HSPD1: variants seen among roughly 807,000 people sequenced by gnomAD.
HSPD1 encodes the protein 60 kDa heat shock protein, mitochondrial.
In HSPD1, 3 loss-of-function variants were observed where a neutral mutation model predicts 53.0. The observed-to-expected ratio is 0.06, with a 90% CI of 0.03 to 0.15. The LOEUF is 0.15. Among genes scored for constraint, HSPD1 ranks in the 10% least tolerant of loss-of-function variants. HSPD1 has a pLI of 1.00. For missense variants in HSPD1, 431 were observed against 694.1 expected (o/e 0.62, Z 4.26); for synonymous variants, 200 against 228.0 (o/e 0.88, Z 1.10).
At position 197,494,534 on chromosome 2, in the gene HSPD1, A is replaced by T. The variant is rs2086133440; in HGVS notation, c.606+123T>A. 5 of 642,488 alleles carry T rather than the reference A, an allele frequency of 7.8e-6. No homozygotes were observed. The Admixed American group carries it at 1.1e-4, about 14-fold the overall frequency. The allele number at this position is 642,488 out of a possible 1,614,324, so 39.8% of individuals were successfully genotyped here. The stretch of plus-strand genomic sequence containing the variant: ...GTGCTGAGACTACATATGAAGGAAT[A>T]AAAAAAGCAGTTTTTAAAACAGAAT... On this transcript the variant is annotated intron_variant, in intron 5 of 11. Transcript: ENST00000388968.
chr2:197,494,612 CATAAG>C (rs375535348), intron 5 of HSPD1, 40 bp downstream of exon 5: 339 of 858,004 alleles, frequency 4.0e-4, no homozygotes, highest in African/African-American at 2.5e-3. Flanking sequence ...AACTTTTGAT[CATAAG>C]ATAACTCAAA....
intron 9 of HSPD1, among the ~76,000 whole-genome samples, 153 bp downstream of exon 9, chr2:197,488,849 C>T (rs767597634): frequency 6.6e-6 from 1 of 152,150 alleles, no homozygotes; most frequent in Non-Finnish European, 1.5e-5. Flanking sequence ...GCCTGGGTGA[C>T]GAAGAGCTCA....
At chr2:197,490,602 A>G in intron 7 of HSPD1, 1 of 348,694 alleles carries the variant, frequency 2.9e-6, no homozygotes. Flanking sequence ...AGGCCCAGGC[A>G]GGTGGATCAC....
At chr2:197,493,242 A>G (rs1225671461) in intron 7 of HSPD1, 82 bp downstream of exon 7, 13 of 1,169,732 alleles carry the variant, frequency 1.1e-5, no homozygotes, top group Non-Finnish European at 1.7e-5. Context: ...GGAGGTACAC[A>G]TGATGGAAAC....
chr2:197,491,670 A>G (rs552331628), intron 7 of HSPD1, among the ~76,000 whole-genome samples: 1 of 152,384 alleles, frequency 6.6e-6, no homozygotes, highest in South Asian at 2.1e-4. Context: ...CAAACATTTT[A>G]ATAATGCCCT....
chr2:197,491,764 TG>T (rs1398217307), intron 7 of HSPD1, among the ~76,000 whole-genome samples: 1 of 152,216 alleles, frequency 6.6e-6, no homozygotes, highest in African/African-American at 2.4e-5. Context: ...TTTAAATAAG[TG>T]ACTAGACCTC....
chr2:197,489,186 T>C lies in HSPD1; in HGVS notation c.1031A>G (p.Lys344Arg). The stretch of plus-strand genomic sequence containing the variant: ...TTTGGTCACAATGACCTCTCCAACT[T>C]TTCCTAAGTCATGAGGCTGAACGTC... ...LEDVQPHDLG[K>R]VGEVIVTKDD... Residue 344 changes from lysine (K) to arginine (R), a missense_variant, in exon 9 of 12, where the codon AAA (lysine) becomes AGA (arginine). Coordinates refer to ENST00000388968, the MANE Select transcript of HSPD1 (RefSeq NM_002156.5). 6.2e-7 allele frequency: 1 copy of C among 1,614,162 alleles called. No homozygotes were observed. Among genetic ancestry groups the C allele is most frequent in the Non-Finnish European group, 8.5e-7 (1 of 1,179,988 alleles).
At chr2:197,500,095 C>T (rs1240828318), upstream of HSPD1, 1 of 358,450 alleles carries the variant, frequency 2.8e-6, no homozygotes, top group East Asian at 5.2e-5. Context: ...AAATGCCGCG[C>T]TCCCTACGGC....
At chr2:197,494,585 G>C in intron 5 of HSPD1, 72 bp downstream of exon 5, 2 of 1,065,860 alleles carry the variant, frequency 1.9e-6, no homozygotes, top group South Asian at 1.3e-5. Flanking sequence ...ATTCAGTTTT[G>C]ATCATCAGAT....
chr2:197,487,278 TG>T, intron 11 of HSPD1, 80 bp from the exon 12 acceptor site: 1 of 1,286,544 alleles, frequency 7.8e-7, no homozygotes, highest in Non-Finnish European at 1.1e-6. Flanking sequence ...CTGGGCATGG[TG>T]GCTCACACCT....
intron 1 of HSPD1, chr2:197,499,515 C>G (rs989998633): frequency 6.5e-6 from 1 of 153,816 alleles, no homozygotes; most frequent in Non-Finnish European, 1.4e-5. Flanking sequence ...GCAGGTTGCA[C>G]CAGCGGGCCT....
intron 8 of HSPD1, 116 bp from the exon 9 acceptor site, chr2:197,489,363 A>C: frequency 9.3e-7 from 1 of 1,072,866 alleles, no homozygotes; most frequent in African/African-American, 1.6e-5. Flanking sequence ...TTGAAATGAG[A>C]GATTTTAAGA....
chr2:197,496,688 G>GCAAA (rs2086161930), intron 3 of HSPD1, among the ~76,000 whole-genome samples: 1 of 152,176 alleles, frequency 6.6e-6, no homozygotes, highest in Non-Finnish European at 1.5e-5. Context: ...CATGGTGTGT[G>GCAAA]CTATTAAGAA....
chr2:197,500,149 A>G (rs2086228993), upstream of HSPD1: 1 of 518,810 alleles, frequency 1.9e-6, no homozygotes, highest in African/African-American at 1.9e-5. Flanking sequence ...ACGAAGGGGT[A>G]GTTCTTTCAC....
In HSPD1 at chr2:197,487,996, C is replaced by T. The variant is rs2086047102; in HGVS notation, c.1431G>A (p.Met477Ile). The part of the protein sequence containing the change: ...IIKRTLKIPA[M>I]TIAKNAGVEG... ...CAACACCTGCATTCTTAGCAATGGT[C>T]ATTGCTGGAATTTTGAGTGTTCTTT... Residue 477 changes from methionine (M) to isoleucine (I), a missense_variant, in exon 11 of 12, where the codon ATG (methionine) becomes ATA (isoleucine). Met to Ile is a conservative substitution (Grantham distance 10, BLOSUM62 1). Around this residue, in one of 2 missense-constraint regions of HSPD1, gnomAD observed 386 missense variants for 657.6 expected, o/e 0.59. Coordinates refer to ENST00000388968, the MANE Select transcript of HSPD1 (RefSeq NM_002156.5). 3.7e-6 allele frequency: 6 copies of T among 1,612,384 alleles called. No homozygotes were observed. Among genetic ancestry groups the T allele is most frequent in the Non-Finnish European group, 5.1e-6 (6 of 1,178,786 alleles).
chr2:197,495,435 T>A, intron 3 of HSPD1, 59 bp from the exon 4 acceptor site: 5 of 1,161,396 alleles, frequency 4.3e-6, no homozygotes, highest in Non-Finnish European at 6.5e-6. Flanking sequence ...CTATGTCAAG[T>A]AGAAATCTTG....
intron 5 of HSPD1, 103 bp downstream of exon 5, chr2:197,494,552 AAC>A: frequency 1.2e-6 from 1 of 818,292 alleles, no homozygotes; most frequent in East Asian, 2.5e-5. Context: ...CAGTTTTTAA[AAC>A]AGAATTTTTC....
In HSPD1 at chr2:197,488,999, T is replaced by A. The variant is rs2086059570; in HGVS notation, c.1215+3A>T. 6.2e-7 allele frequency: 1 copy of A among 1,613,894 alleles called. No individual in the cohort carries two copies. Among genetic ancestry groups the A allele is most frequent in the Admixed American group, 1.7e-5 (1 of 60,000 alleles). Reference sequence around the variant, plus strand: ...GAAACTTATTCATAATAATGAATGTTACCTTCAGCACAGCCACTCCATCTG... The same window carrying A: ...GAAACTTATTCATAATAATGAATGTAACCTTCAGCACAGCCACTCCATCTG... On this transcript the variant is annotated splice_donor_region_variant and intron_variant, in intron 9 of 11. Transcript: ENST00000388968.
intron 7 of HSPD1, among the ~76,000 whole-genome samples, chr2:197,490,732 A>G (rs1021785937): frequency 1.3e-5 from 2 of 152,190 alleles, no homozygotes; most frequent in African/African-American, 2.4e-5. Flanking sequence ...CAGGAGGCCG[A>G]GCAGCAAAAA....
Sources: gnomAD v4.1 joint callset for allele counts (sites outside exome capture counted in the v4.1 genomes callset) on GRCh38, gnomAD v4.1.1 for gene constraint, gnomAD v4.1.1 regional missense constraint, MANE v1.5 for transcripts, NCBI Gene and HGNC (gene_info 2026-07-23, HGNC 2026-07-21) for gene names.